The following ELP2 variants were observed in gnomAD, a reference collection of about 807,000 sequenced individuals.
ELP2 encodes elongator acetyltransferase complex subunit 2, also known as elongator complex protein 2.
A neutral mutation model predicts 119.2 loss-of-function variants in ELP2; 90 were observed. The observed-to-expected ratio is 0.75, with a 90% CI of 0.64 to 0.90. The LOEUF is 0.90. Ranked by LOEUF, ELP2 falls within the 40% of genes least tolerant of loss-of-function variation. ELP2 has a pLI of 0.00. For missense variants in ELP2, 921 were observed against 967.8 expected, an observed-to-expected ratio of 0.95 and a Z score of 0.64; for synonymous variants, 339 against 331.0, an observed-to-expected ratio of 1.02 and a Z score of -0.26.
At chr18:36,133,350 A>G (rs769923535) in intron 2 of ELP2, 34 bp downstream of exon 2, 2 of 1,498,110 alleles carry the variant, frequency 1.3e-6, no homozygotes, top group Non-Finnish European at 1.9e-6. Context: ...GTTGATCTCA[A>G]TTGTTTTCTG....
At chr18:36,154,719 A>G in intron 11 of ELP2, 131 bp from the exon 12 acceptor site, 1 of 921,492 alleles carries the variant, frequency 1.1e-6, no homozygotes. Flanking sequence ...TTATTCTGTG[A>G]TCCGATCTTG....
rs1030639296 is a variant in ELP2 at position 36,169,899 on chromosome 18, C to T, written c.2077-164C>T. 3 of 900,116 alleles carry T rather than the reference C, an allele frequency of 3.3e-6. No homozygotes were observed. In the Admixed American group the frequency reaches 6.1e-5, roughly 18 times the overall value. The allele number at this position is 900,116 out of a possible 1,614,324, so 55.8% of individuals were successfully genotyped here. ...GCTGTACCGTGCCTTCTTTCTGATG[C>T]TTGAAATGCTCTCAAGTCCTGGCAC... On this transcript the variant is annotated intron_variant, in intron 19 of 21. Transcript: ENST00000358232.
chr18:36,134,861 T>G (rs1598735761), intron 2 of ELP2, among the ~76,000 whole-genome samples: 1 of 152,214 alleles, frequency 6.6e-6, no homozygotes, highest in South Asian at 2.1e-4. Context: ...GGTTCTGAAT[T>G]AGTTTTATTT....
intron 5 of ELP2, among the ~76,000 whole-genome samples, chr18:36,140,292 T>C (rs895271348): frequency 6.6e-6 from 1 of 152,056 alleles, no homozygotes; most frequent in Non-Finnish European, 1.5e-5. Flanking sequence ...CATGCCTGGC[T>C]AATTGCCTTG....
chr18:36,174,575 A>T lies in ELP2; in HGVS notation c.2415A>T (p.Leu805Phe). Residue 805 changes from leucine to phenylalanine, a missense_variant, in exon 22 of 22, where the codon TTA becomes TTT. Transcript: ENST00000358232. ...AGGAAGCAGAAGGTGCTGAGTGGTTACACTTTGCAAGCTGTGGTGAAGATC... is the reference window on the plus strand; with the variant it reads ...AGGAAGCAGAAGGTGCTGAGTGGTTTCACTTTGCAAGCTGTGGTGAAGATC... ...EQKEAEGAEW[L>F]HFASCGEDHT... is the part of the protein sequence containing the mutation. 1 of 1,614,118 alleles carries T rather than the reference A, an allele frequency of 6.2e-7. No homozygotes were observed. Among genetic ancestry groups the T allele is most frequent in the Non-Finnish European group, 8.5e-7 (1 of 1,179,944 alleles).
In ELP2 at chr18:36,177,578, A is replaced by T. The variant is rs1339815773; in HGVS notation, c.*2937A>T. 1 of 151,434 alleles carries T rather than the reference A, an allele frequency of 6.6e-6. No homozygotes were observed. The highest frequency in any genetic ancestry group is 1.5e-5 in the Non-Finnish European group (1 of 68,034). The allele number at this position is 151,434 out of a possible 1,614,324, so 9.4% of individuals were successfully genotyped here. A position where few individuals can be genotyped will look rare whatever the true frequency, so the allele number is the denominator to read the frequency against. On this transcript the variant is annotated 3_prime_UTR_variant, in exon 22 of 22. Transcript: ENST00000358232. ...AAAAAGTCCTGTGGATTGGTTGCACAGTTAAGTTATGTGAATGCTGTATGC... is the reference window on the plus strand; with the variant it reads ...AAAAAGTCCTGTGGATTGGTTGCACTGTTAAGTTATGTGAATGCTGTATGC...
chr18:36,169,943 G>T, intron 19 of ELP2, 120 bp from the exon 20 acceptor site: 1 of 1,300,488 alleles, frequency 7.7e-7, no homozygotes, highest in East Asian at 2.3e-5. Context: ...CGAATGTAAT[G>T]ATGCATTTTT....
At chr18:36,139,711 G>A in intron 5 of ELP2, 1 of 1,123,416 alleles carries the variant, frequency 8.9e-7, no homozygotes, top group Non-Finnish European at 1.2e-6. Context: ...GGCAAGGCAT[G>A]TCCTTAGAAA....
intron 5 of ELP2, among the ~76,000 whole-genome samples, chr18:36,140,924 C>T (rs916602983): frequency 6.6e-6 from 1 of 152,162 alleles, no homozygotes; most frequent in Non-Finnish European, 1.5e-5. Context: ...ATTTAATAGT[C>T]ATTATATTTA....
At position 36,145,989 on chromosome 18, in the gene ELP2, A is replaced by T; in HGVS notation, c.934A>T (p.Met312Leu). ...GCCAGTGAGATTATTATCTGCTTCC[A>T]TGGATAAAACCATGATTCTCTGGGC... The part of the protein sequence containing the change: ...QQPVRLLSAS[M>L]DKTMILWAPD... Residue 312 changes from methionine to leucine, a missense_variant, in exon 10 of 22, where the codon ATG becomes TTG. Transcript: ENST00000358232. 2 of 1,614,062 alleles carry T rather than the reference A, an allele frequency of 1.2e-6. No individual in the cohort carries two copies. Among genetic ancestry groups the T allele is most frequent in the Non-Finnish European group, 1.7e-6 (2 of 1,179,928 alleles).
intron 21 of ELP2, 86 bp from the exon 22 acceptor site, chr18:36,174,399 C>T (rs2091170689): frequency 7.7e-7 from 1 of 1,305,166 alleles, no homozygotes; most frequent in South Asian, 1.3e-5. Context: ...AAAACCTGTA[C>T]ATTTCAATTT....
Position 36,130,024 on chromosome 18 carries a change from C to G in ELP2, c.91C>G (p.Leu31Val), listed in dbSNP as rs777286978. The G allele has an allele frequency of 2.5e-6, 4 of 1,614,068 alleles. No individual in the cohort carries two copies. In the East Asian group the frequency reaches 6.7e-5, roughly 27 times the overall value. ...VLNWSSGPRG[L>V]LAFGTSCSVV... ...GAACTGGAGCTCTGGGCCCAGAGGA[C>G]TTCTGGCCTTTGGCACGTCCTGCTC... The change falls in exon 1 of 22, where the codon CTT (leucine) becomes GTT (valine). Residue 31 changes from leucine (L) to valine (V), a missense_variant. Physicochemically the swap from Leu to Val is conservative, Grantham distance 32. Coordinates refer to ENST00000358232, the MANE Select transcript of ELP2 (RefSeq NM_018255.4).
At chr18:36,168,731 G>A (rs541760025) in intron 19 of ELP2, among the ~76,000 whole-genome samples, 1 of 152,142 alleles carries the variant, frequency 6.6e-6, no homozygotes, top group South Asian at 2.1e-4. Context: ...CATATCACAT[G>A]CCTATAGAAC....
Position 36,177,115 on chromosome 18 carries a change from T to C in ELP2, c.*2474T>C, listed in dbSNP as rs1047492605. ...GGAAGTTACTGTGGTCTGTAACTTA[T>C]GAAATACATAAAAAATATGATGGGT... On this transcript the variant is annotated 3_prime_UTR_variant, in exon 22 of 22. Coordinates refer to ENST00000358232, the MANE Select transcript of ELP2 (RefSeq NM_018255.4). 2.0e-5 allele frequency: 3 copies of C among 152,132 alleles called. No individual in the cohort carries two copies. The highest frequency in any genetic ancestry group is 4.4e-5 in the Non-Finnish European group (3 of 68,038). The allele number at this position is 152,132 out of a possible 1,614,324, so 9.4% of individuals were successfully genotyped here.
chr18:36,164,392 A>G (rs1166631266), intron 17 of ELP2, 83 bp from the exon 18 acceptor site: 1 of 1,334,232 alleles, frequency 7.5e-7, no homozygotes, highest in Non-Finnish European at 1.1e-6. Context: ...ATATACTCAT[A>G]GAAACAATGT....
At chr18:36,161,082 T>G in intron 17 of ELP2, 78 bp downstream of exon 17, 1 of 1,016,470 alleles carries the variant, frequency 9.8e-7, no homozygotes, top group South Asian at 1.3e-5. Context: ...GGTAATGATT[T>G]AGGCAGAACT....
chr18:36,146,445 A>G, intron 11 of ELP2, 64 bp downstream of exon 11: 1 of 1,568,040 alleles, frequency 6.4e-7, no homozygotes, highest in South Asian at 1.1e-5. Flanking sequence ...GGTAAATAGT[A>G]TTTTGCTTAT....
chr18:36,139,685 T>A, intron 5 of ELP2: 3 of 1,347,576 alleles, frequency 2.2e-6, no homozygotes, highest in Non-Finnish European at 3.0e-6. Flanking sequence ...AGAAAATCTT[T>A]GAAAAACACA....
Position 36,156,635 on chromosome 18 carries a change from T to G in ELP2, c.1445T>G (p.Leu482Arg), listed in dbSNP as rs2090584399. 8 of 1,613,968 alleles carry G rather than the reference T, an allele frequency of 5.0e-6. No homozygotes were observed. The highest frequency in any genetic ancestry group is 5.9e-6 in the Non-Finnish European group (7 of 1,179,952). ...TTTTGTGCCATTACAGGACAATCAC[T>G]GAATCATGTGCTCTGTAATGTGAGT... is the stretch of plus-strand genomic sequence containing the variant. ...ENFCAITGQS[L>R]NHVLCNQDSD... is the part of the protein sequence containing the mutation. The change falls in exon 13 of 22, where the codon CTG becomes CGG. Residue 482 changes from leucine to arginine, a missense_variant. Transcript: ENST00000358232.
Sources: allele counts gnomAD v4.1 joint callset (sites outside exome capture counted in the v4.1 genomes callset), GRCh38; gene constraint gnomAD v4.1.1; transcripts MANE v1.5; gene names NCBI Gene and HGNC (gene_info 2026-07-23, HGNC 2026-07-21).